Variants in ATG16L1 observed in about 807,000 individuals in gnomAD.
ATG16L1 encodes autophagy related 16 like 1.
In ATG16L1, 37 loss-of-function variants were observed where a neutral mutation model predicts 88.5. The observed-to-expected ratio is 0.42, with a 90% CI of 0.32 to 0.55. The LOEUF (loss-of-function observed/expected upper bound fraction) is 0.55, where lower values mean the gene tolerates loss of function less well. Among genes scored for constraint, ATG16L1 ranks in the 20% least tolerant of loss-of-function variants. The pLI is 0.13. For missense variants in ATG16L1, 554 were observed against 752.8 expected, an observed-to-expected ratio of 0.74 and a Z score of 3.09; for synonymous variants, 301 against 281.0, an observed-to-expected ratio of 1.07 and a Z score of -0.71.
chr2:233,259,255 C>T (rs923547488), intron 2 of ATG16L1, among the ~76,000 whole-genome samples: 4 of 152,102 alleles, frequency 2.6e-5, no homozygotes, highest in Non-Finnish European at 5.9e-5. Flanking sequence ...GGGGCTTCCA[C>T]GCAAGCATAA....
intron 2 of ATG16L1, among the ~76,000 whole-genome samples, chr2:233,258,339 T>C (rs1418279824): frequency 1.3e-5 from 2 of 152,184 alleles, no homozygotes; most frequent in Non-Finnish European, 2.9e-5. Flanking sequence ...CTGTAGCTGC[T>C]CTCATGTCTC....
At chr2:233,258,723 G>GTC (rs1166853204) in intron 2 of ATG16L1, among the ~76,000 whole-genome samples, 1 of 152,138 alleles carries the variant, frequency 6.6e-6, no homozygotes, top group Non-Finnish European at 1.5e-5. Flanking sequence ...TTGAGGCAGG[G>GTC]TCTCTCTCTG....
At chr2:233,286,625 T>A (rs1699099253) in intron 12 of ATG16L1, among the ~76,000 whole-genome samples, 1 of 136,444 alleles carries the variant, frequency 7.3e-6, no homozygotes, top group East Asian at 2.1e-4. Flanking sequence ...CCCAAACTTT[T>A]TTTTTTTTTT....
intron 11 of ATG16L1, among the ~76,000 whole-genome samples, chr2:233,281,832 C>G (rs1330285423): frequency 6.6e-6 from 1 of 152,134 alleles, no homozygotes; most frequent in African/African-American, 2.4e-5. Flanking sequence ...TGTTCACATT[C>G]CTGGGTGGGC....
intron 11 of ATG16L1, among the ~76,000 whole-genome samples, chr2:233,282,255 T>C (rs1011677549): frequency 6.6e-6 from 1 of 152,056 alleles, no homozygotes; most frequent in Non-Finnish European, 1.5e-5. Context: ...AGGTGGGGGC[T>C]GAGGAAATAG....
rs1382042904 is a variant in ATG16L1, at chr2:233,251,951, C to T, written c.115+9C>T. The T allele has an allele frequency of 1.9e-5, 29 of 1,535,104 alleles. No homozygotes were observed. Among genetic ancestry groups the T allele is most frequent in the Non-Finnish European group, 2.5e-5 (28 of 1,141,166 alleles). On this transcript the variant is annotated intron_variant, in intron 1 of 17. Transcript: ENST00000392017. The stretch of plus-strand genomic sequence containing the variant: ...GGAGATCATCCTGCAGTGTGAGCGG[C>T]GCCGGTGCGGGCTGGGAGTGGGGCG...
At chr2:233,262,377 A>G (rs746778592) in intron 2 of ATG16L1, among the ~76,000 whole-genome samples, 5 of 152,176 alleles carry the variant, frequency 3.3e-5, no homozygotes, top group Middle Eastern at 3.2e-3. Context: ...TCAGCTGCTC[A>G]GAGCCCTCCA....
chr2:233,283,774 G>A (rs533130832), intron 12 of ATG16L1, among the ~76,000 whole-genome samples: 1 of 151,794 alleles, frequency 6.6e-6, no homozygotes, highest in East Asian at 1.9e-4. Context: ...TGACCTCAAG[G>A]GATCTGCCCA....
chr2:233,264,112 G>C, intron 4 of ATG16L1, 47 bp downstream of exon 4: 2 of 1,602,462 alleles, frequency 1.2e-6, no homozygotes, highest in South Asian at 2.2e-5. Flanking sequence ...TGGGTCCCAT[G>C]TCCTTTGTTC....
intron 12 of ATG16L1, among the ~76,000 whole-genome samples, chr2:233,285,483 A>G (rs565615884): frequency 6.6e-6 from 1 of 152,350 alleles, no homozygotes; most frequent in African/African-American, 2.4e-5. Context: ...TGTTCTCAGT[A>G]TGCTGGAGCA....
chr2:233,292,321 C>G, intron 15 of ATG16L1, 44 bp downstream of exon 15: 1 of 1,610,568 alleles, frequency 6.2e-7, no homozygotes, highest in Non-Finnish European at 8.5e-7. Flanking sequence ...GAGGCCCAGC[C>G]CTGCTCTCTT....
At chr2:233,265,782 T>G (rs777553835) in intron 5 of ATG16L1, among the ~76,000 whole-genome samples, 1 of 152,182 alleles carries the variant, frequency 6.6e-6, no homozygotes, top group East Asian at 1.9e-4. Context: ...ATAGATTTTT[T>G]AAGAATTCCC....
intron 12 of ATG16L1, chr2:233,283,031 G>A: frequency 2.9e-6 from 1 of 342,306 alleles, no homozygotes; most frequent in Non-Finnish European, 5.6e-6. Flanking sequence ...TAGCAATTTT[G>A]GCTTAATGGC....
intron 6 of ATG16L1, among the ~76,000 whole-genome samples, chr2:233,272,713 T>C (rs1341184814): frequency 6.6e-6 from 1 of 152,242 alleles, no homozygotes; most frequent in African/African-American, 2.4e-5. Context: ...TGTTTATACC[T>C]AAAAGGATCA....
At chr2:233,284,491 C>G (rs1425189732) in intron 12 of ATG16L1, among the ~76,000 whole-genome samples, 1 of 152,156 alleles carries the variant, frequency 6.6e-6, no homozygotes, top group Non-Finnish European at 1.5e-5. Flanking sequence ...GCCACCACAC[C>G]TGGCTAATTT....
chr2:233,279,425 G>C (rs1490854830), intron 10 of ATG16L1, among the ~76,000 whole-genome samples: 1 of 152,172 alleles, frequency 6.6e-6, no homozygotes, highest in South Asian at 2.1e-4. Context: ...CACATAATTT[G>C]TGTTAATAAA....
At chr2:233,279,095 T>G (rs981576686) in intron 10 of ATG16L1, among the ~76,000 whole-genome samples, 1 of 152,100 alleles carries the variant, frequency 6.6e-6, no homozygotes, top group African/African-American at 2.4e-5. Flanking sequence ...GGAAGATCAA[T>G]TGAGCCCAGG....
At chr2:233,293,938 G>A (rs1019222465) in intron 17 of ATG16L1, among the ~76,000 whole-genome samples, 3 of 152,170 alleles carry the variant, frequency 2.0e-5, no homozygotes, top group Admixed American at 6.6e-5. Context: ...ACCACTGCCC[G>A]GCTCTTCAGA....
At chr2:233,274,160 A>C (rs1166740463) in intron 8 of ATG16L1, 3 of 1,136,144 alleles carry the variant, frequency 2.6e-6, no homozygotes, top group Middle Eastern at 2.0e-4. Context: ...GATGCTTTGC[A>C]TGTTCCTAGG....
Sources: gnomAD v4.1 joint callset for allele counts (sites outside exome capture counted in the v4.1 genomes callset) on GRCh38, gnomAD v4.1.1 for gene constraint, MANE v1.5 for transcripts, NCBI Gene and HGNC (gene_info 2026-07-23, HGNC 2026-07-21) for gene names.